Variants in FOXK1 observed in about 807,000 individuals in gnomAD.
FOXK1 encodes forkhead box protein K1.
Under a neutral mutation model 51.9 loss-of-function variants are expected in FOXK1, and 19 were observed. The observed-to-expected ratio is 0.37, with a 90% CI of 0.26 to 0.54. FOXK1 has a LOEUF of 0.54. FOXK1 is among the 20% of genes least tolerant of loss of function. FOXK1 has a pLI of 0.87. For missense variants in FOXK1, 870 were observed against 1,032.7 expected, an observed-to-expected ratio of 0.84 and a Z score of 2.16; for synonymous variants, 537 against 482.6, an observed-to-expected ratio of 1.11 and a Z score of -1.48.
chr7:4,716,511 A>G (rs1780237139), intron 1 of FOXK1, among the ~76,000 whole-genome samples: 1 of 152,162 alleles, frequency 6.6e-6, no homozygotes, highest in Non-Finnish European at 1.5e-5. Context: ...GTGTCCCAAA[A>G]AAAAAGAGAA....
Position 4,745,940 on chromosome 7 carries a change from A to C in FOXK1, c.746+4917A>C, listed in dbSNP as rs1049658626. On this transcript the variant is annotated intron_variant, in intron 2 of 8. Transcript: ENST00000328914. The surrounding 1 kb of genome is among the most constrained non-coding windows in gnomAD (Gnocchi z 4.3). ...AAGTATTTAATGAAAGAATTCAAGT[A>C]GTTAATCATTTTCTAGGTTCCATCA... Among the ~76,000 whole-genome samples, 5 of 152,194 alleles carry C rather than the reference A, an allele frequency of 3.3e-5. No individual in the cohort carries two copies. The highest frequency in any genetic ancestry group is 2.0e-4 in the Admixed American group (3 of 15,278).
rs116769188 is a variant in FOXK1, at chr7:4,732,212, T to C, written c.561-8626T>C. On this transcript the variant is annotated intron_variant, in intron 1 of 8. Coordinates refer to ENST00000328914, the MANE Select transcript of FOXK1 (RefSeq NM_001037165.2). ...CGTCTGATGACGTTGCTTGGAATCA[T>C]TTGTTCAGTCCACAAGAACTCTGAT... 3.8e-3 allele frequency among the ~76,000 whole-genome samples: 586 copies of C among 152,368 alleles called. 5 individuals are homozygous for C. Among genetic ancestry groups the C allele is most frequent in the African/African-American group, 0.014 (562 of 41,580 alleles).
chr7:4,687,831 C>CT (rs768317930), intron 1 of FOXK1, among the ~76,000 whole-genome samples: 31 of 152,148 alleles, frequency 2.0e-4, no homozygotes, highest in African/African-American at 7.2e-4. Flanking sequence ...ATATGGGTGT[C>CT]TTTTTTTCTT....
chr7:4,683,902 T>G lies in FOXK1; in HGVS notation c.560+1034T>G, dbSNP rs1294367862. Among the ~76,000 whole-genome samples, 1 of 152,162 alleles carries G rather than the reference T, an allele frequency of 6.6e-6. No homozygotes were observed. The highest frequency in any genetic ancestry group is 1.9e-4 in the East Asian group (1 of 5,176). ...GGGAGGGGCGAGGACAGGAAGCCTG[T>G]GCCTCAGTTTACATCCCCAACTAGT... On this transcript the variant is annotated intron_variant, in intron 1 of 8. Transcript: ENST00000328914. The surrounding 1 kb of genome is among the most constrained non-coding windows in gnomAD (Gnocchi z 4.5).
At chr7:4,757,634 C>CAAAAAAAAAA (rs59200954) in intron 5 of FOXK1, among the ~76,000 whole-genome samples, 6 of 20,200 alleles carry the variant, frequency 3.0e-4, no homozygotes, top group Non-Finnish European at 3.1e-4. Flanking sequence ...AACTCCGTCT[C>CAAAAAAAAAA]AAAAAAAAAA....
At position 4,713,372 on chromosome 7, in the gene FOXK1, G is replaced by T. The variant is rs897059667; in HGVS notation, c.561-27466G>T. On this transcript the variant is annotated intron_variant, in intron 1 of 8. Transcript: ENST00000328914. ...ATTCCCGCTCACTGGGCTTGGTGTCGCGGAAAAAACGAAGGCAGAGAAAGA... is the reference window on the plus strand; with the variant it reads ...ATTCCCGCTCACTGGGCTTGGTGTCTCGGAAAAAACGAAGGCAGAGAAAGA... 5.4e-5 allele frequency among the ~76,000 whole-genome samples: 8 copies of T among 148,754 alleles called. 1 individual carries two copies. In the South Asian group the frequency reaches 1.0e-3, roughly 19 times the overall value.
At position 4,767,171 on chromosome 7, in the gene FOXK1, T is replaced by C. The variant is rs576485194; in HGVS notation, c.*4707T>C. ...CTCTAGAGAGGACACCCCAAGTCCA[T>C]CCTGGGCTCCTCCTCACCCCTCTGA... On this transcript the variant is annotated 3_prime_UTR_variant, in exon 9 of 9. Transcript: ENST00000328914. The surrounding 1 kb of genome is among the most constrained non-coding windows in gnomAD (Gnocchi z 6.6). 2 of 152,340 alleles carry C rather than the reference T, an allele frequency of 1.3e-5. No individual in the cohort carries two copies. Among genetic ancestry groups the C allele is most frequent in the African/African-American group, 4.8e-5 (2 of 41,560 alleles). The allele number at this position is 152,340 out of a possible 1,614,324, so 9.4% of individuals were successfully genotyped here. A position where few individuals can be genotyped will look rare whatever the true frequency, so the allele number is the denominator to read the frequency against.
rs1781024582 is a variant in FOXK1 at position 4,767,246 on chromosome 7, G to A, written c.*4782G>A. 1 of 152,290 alleles carries A rather than the reference G, an allele frequency of 6.6e-6. No homozygotes were observed. Among genetic ancestry groups the A allele is most frequent in the Admixed American group, 6.5e-5 (1 of 15,288 alleles). The allele number at this position is 152,290 out of a possible 1,614,324, so 9.4% of individuals were successfully genotyped here. On this transcript the variant is annotated 3_prime_UTR_variant, in exon 9 of 9. Transcript: ENST00000328914. This position sits in a 1 kb window ranked among gnomAD's most constrained non-coding sequence, Gnocchi z 6.6. ...CAGAGTCACCGGCATGCCGCCTCAC[G>A]TTGCAGGACGGAATCGCGCGCTCCT...
At chr7:4,697,057 C>G (rs1381146089) in intron 1 of FOXK1, among the ~76,000 whole-genome samples, 1 of 152,094 alleles carries the variant, frequency 6.6e-6, no homozygotes, top group Non-Finnish European at 1.5e-5. Flanking sequence ...GGCGACAGAG[C>G]GAGACTGTCT....
chr7:4,711,807 G>A lies in FOXK1; in HGVS notation c.560+28939G>A, dbSNP rs1780177720. On this transcript the variant is annotated intron_variant, in intron 1 of 8. Transcript: ENST00000328914. The surrounding 1 kb of genome is among the most constrained non-coding windows in gnomAD (Gnocchi z 6.3). ...GGCAGATGCCACGGACCGTAGAGAAGCAACGCAAGGTCAGAGAGAAAAGAT... is the reference window on the plus strand; with the variant it reads ...GGCAGATGCCACGGACCGTAGAGAAACAACGCAAGGTCAGAGAGAAAAGAT... Among the ~76,000 whole-genome samples the A allele has an allele frequency of 6.6e-6, 1 of 152,212 alleles. No individual in the cohort carries two copies. Among genetic ancestry groups the A allele is most frequent in the African/African-American group, 2.4e-5 (1 of 41,456 alleles).
Position 4,761,388 on chromosome 7 carries a change from C to T in FOXK1, c.1921+100C>T. On this transcript the variant is annotated intron_variant, in intron 8 of 8. Coordinates refer to ENST00000328914, the MANE Select transcript of FOXK1 (RefSeq NM_001037165.2). This position sits in a 1 kb window ranked among gnomAD's most constrained non-coding sequence, Gnocchi z 6.2. ...GTTCTCCCAGTATCTCCCGATCCTC[C>T]ACTCAGTTCAATTTATTGAGCACCT... 1 of 1,196,866 alleles carries T rather than the reference C, an allele frequency of 8.4e-7. No homozygotes were observed. The highest frequency in any genetic ancestry group is 1.2e-6 in the Non-Finnish European group (1 of 849,384). The allele number at this position is 1,196,866 out of a possible 1,614,324, so 74.1% of individuals were successfully genotyped here.
Position 4,709,036 on chromosome 7 carries a change from G to T in FOXK1, c.560+26168G>T, listed in dbSNP as rs1168356899. Among the ~76,000 whole-genome samples the T allele has an allele frequency of 1.4e-5, 2 of 147,334 alleles. No individual in the cohort carries two copies. The highest frequency in any genetic ancestry group is 5.1e-5 in the African/African-American group (2 of 39,052). ...GCCAAGATCGCCCCACTGCACTCCA[G>T]CCTGGGCAATGAGCGAGACTCTGTC... is the stretch of plus-strand genomic sequence containing the variant. On this transcript the variant is annotated intron_variant, in intron 1 of 8. Transcript: ENST00000328914. The surrounding 1 kb of genome is among the most constrained non-coding windows in gnomAD (Gnocchi z 5.6).
chr7:4,728,020 C>T (rs1277087501), intron 1 of FOXK1, among the ~76,000 whole-genome samples: 1 of 152,154 alleles, frequency 6.6e-6, no homozygotes, highest in Non-Finnish European at 1.5e-5. Context: ...TCCAGGGGCC[C>T]TTCCCCAGCC....
rs1201458704 is a variant in FOXK1, at chr7:4,758,193, T to C, written c.1245-858T>C. 2.6e-5 allele frequency: 4 copies of C among 152,266 alleles called. No homozygotes were observed. The East Asian group carries it at 5.8e-4, about 22-fold the overall frequency. The allele number at this position is 152,266 out of a possible 1,614,324, so 9.4% of individuals were successfully genotyped here. ...GACCTGGGGAGCCCACAACCGCCTT[T>C]GCTTTTCGCAGATGCTGGGAACGCA... On this transcript the variant is annotated intron_variant, in intron 5 of 8. Transcript: ENST00000328914. This position sits in a 1 kb window ranked among gnomAD's most constrained non-coding sequence, Gnocchi z 4.4.
chr7:4,698,383 T>C (rs140195365), intron 1 of FOXK1, among the ~76,000 whole-genome samples: 9 of 152,214 alleles, frequency 5.9e-5, no homozygotes, highest in Non-Finnish European at 1.2e-4. Flanking sequence ...ATAAGGATTT[T>C]TTTTTTCTCG....
rs1430840732 is a variant in FOXK1, at chr7:4,715,181, G to C, written c.561-25657G>C. On this transcript the variant is annotated intron_variant, in intron 1 of 8. Coordinates refer to ENST00000328914, the MANE Select transcript of FOXK1 (RefSeq NM_001037165.2). This position sits in a 1 kb window ranked among gnomAD's most constrained non-coding sequence, Gnocchi z 4.5. ...CATGGTGGAACTGTGACGATACGGG[G>C]CACGGTGGAACTGTGGCGATACGGG... is the stretch of plus-strand genomic sequence containing the variant. 6.6e-6 allele frequency among the ~76,000 whole-genome samples: 1 copy of C among 151,870 alleles called. No homozygotes were observed. The highest frequency in any genetic ancestry group is 1.5e-5 in the Non-Finnish European group (1 of 67,956).
At chr7:4,732,896 C>G (rs930498219) in intron 1 of FOXK1, among the ~76,000 whole-genome samples, 3 of 152,338 alleles carry the variant, frequency 2.0e-5, no homozygotes, top group Non-Finnish European at 4.4e-5. Flanking sequence ...TCTTACTCGT[C>G]CAGCGTTCTC....
rs1045724155 is a variant in FOXK1 at position 4,715,761 on chromosome 7, C to G, written c.561-25077C>G. On this transcript the variant is annotated intron_variant, in intron 1 of 8. Transcript: ENST00000328914. The surrounding 1 kb of genome is among the most constrained non-coding windows in gnomAD (Gnocchi z 4.5). ...CCAGCTCCGGGCACCCTGAGGTTCCCTCACAGCGAATCCACCGAAGAGCGC... is the reference window on the plus strand; with the variant it reads ...CCAGCTCCGGGCACCCTGAGGTTCCGTCACAGCGAATCCACCGAAGAGCGC... Among the ~76,000 whole-genome samples, 7 of 152,116 alleles carry G rather than the reference C, an allele frequency of 4.6e-5. No homozygotes were observed. Among genetic ancestry groups the G allele is most frequent in the African/African-American group, 1.7e-4 (7 of 41,410 alleles).
intron 2 of FOXK1, among the ~76,000 whole-genome samples, chr7:4,744,082 T>C (rs1187046503): frequency 1.3e-5 from 2 of 151,966 alleles, no homozygotes; most frequent in African/African-American, 4.8e-5. Context: ...TTTCACCGTA[T>C]TGAAAGAAAG....
Sources: allele counts gnomAD v4.1 joint callset (sites outside exome capture counted in the v4.1 genomes callset), GRCh38; gene constraint gnomAD v4.1.1; non-coding constraint Gnocchi (gnomAD v3.1); transcripts MANE v1.5; gene names NCBI Gene and HGNC (gene_info 2026-07-23, HGNC 2026-07-21).